Variants in ADGRL3 observed in about 807,000 individuals in gnomAD.
ADGRL3 encodes the protein adhesion G protein-coupled receptor L3.
In ADGRL3, 62 loss-of-function variants were observed where a neutral mutation model predicts 153.5. The observed-to-expected ratio is 0.40, with a 90% CI of 0.33 to 0.50. The LOEUF (loss-of-function observed/expected upper bound fraction) is 0.50, where lower values mean the gene tolerates loss of function less well. Ranked by LOEUF, ADGRL3 falls within the 20% of genes least tolerant of loss-of-function variation. The probability of loss-of-function intolerance (pLI) is 0.47; values close to 1 mark genes in which losing one functional copy is unlikely to be tolerated. For missense variants in ADGRL3, 1,641 were observed against 1,859.4 expected (o/e 0.88, Z 2.16); for synonymous variants, 710 against 672.5 (o/e 1.06, Z -0.86).
chr4:61,364,911 T>A (rs1305355150), intron 1 of ADGRL3, among the ~76,000 whole-genome samples: 1 of 152,196 alleles, frequency 6.6e-6, no homozygotes, highest in Non-Finnish European at 1.5e-5. Context: ...TTTTAATAGA[T>A]ACGATAAATA....
chr4:61,842,679 T>C (rs1215206126), intron 9 of ADGRL3, among the ~76,000 whole-genome samples: 2 of 152,358 alleles, frequency 1.3e-5, no homozygotes, highest in Non-Finnish European at 2.9e-5. Context: ...AATGTATTGA[T>C]TCCAGATGAA....
At chr4:61,612,556 G>A (rs968240672) in intron 5 of ADGRL3, among the ~76,000 whole-genome samples, 2 of 152,126 alleles carry the variant, frequency 1.3e-5, no homozygotes, top group African/African-American at 4.8e-5. Context: ...ACTTCTACAG[G>A]ATAGTTATTA....
At chr4:61,272,667 T>C (rs2093258409) in intron 1 of ADGRL3, among the ~76,000 whole-genome samples, 1 of 152,262 alleles carries the variant, frequency 6.6e-6, no homozygotes, top group Admixed American at 6.6e-5. Flanking sequence ...TCTGCTGTTT[T>C]ATTGACATAC....
intron 21 of ADGRL3, among the ~76,000 whole-genome samples, chr4:62,020,594 T>C (rs2099233431): frequency 6.6e-6 from 1 of 152,162 alleles, no homozygotes; most frequent in Non-Finnish European, 1.5e-5. Context: ...TAAATGTGTA[T>C]ATACAGGCAT....
intron 1 of ADGRL3, among the ~76,000 whole-genome samples, chr4:61,208,575 A>T (rs187411425): frequency 1.2e-4 from 18 of 152,308 alleles, no homozygotes; most frequent in Non-Finnish European, 2.6e-4. Flanking sequence ...AGTAAATTTT[A>T]AAATTTCATA....
chr4:61,570,282 C>T (rs1037541114), intron 4 of ADGRL3, among the ~76,000 whole-genome samples: 10 of 152,092 alleles, frequency 6.6e-5, no homozygotes, highest in Non-Finnish European at 1.2e-4. Context: ...AGCATCCTGT[C>T]CCTTGTGTCC....
chr4:61,871,164 A>G lies in ADGRL3; in HGVS notation c.1481-21492A>G, dbSNP rs563431545. ...GTGGTGGCGAGTGCCTGCAGTCCCAACTACTCAGCAGGCTAAGGCAGGAGA... is the reference window on the plus strand; with the variant it reads ...GTGGTGGCGAGTGCCTGCAGTCCCAGCTACTCAGCAGGCTAAGGCAGGAGA... On this transcript the variant is annotated intron_variant, in intron 9 of 26. Transcript: ENST00000683033. Among the ~76,000 whole-genome samples, 430 of 152,058 alleles carry G rather than the reference A, an allele frequency of 2.8e-3. 2 individuals carry two copies. Among genetic ancestry groups the G allele is most frequent in the South Asian group, 4.2e-3 (20 of 4,816 alleles).
intron 8 of ADGRL3, among the ~76,000 whole-genome samples, chr4:61,764,434 GTGGGCAGGA>G: frequency 7.1e-6 from 1 of 140,504 alleles, no homozygotes. Flanking sequence ...AAGGTGCTCA[GTGGGCAGGA>G]GTGGGGGTCG....
chr4:61,707,416 A>C (rs917673659), intron 6 of ADGRL3, among the ~76,000 whole-genome samples: 5 of 152,202 alleles, frequency 3.3e-5, no homozygotes, highest in African/African-American at 1.2e-4. Context: ...ATGAAGCTCA[A>C]TAAAATGAAA....
intron 8 of ADGRL3, among the ~76,000 whole-genome samples, chr4:61,757,213 T>A (rs1353713377): frequency 5.9e-5 from 9 of 152,142 alleles, no homozygotes; most frequent in Admixed American, 3.9e-4. Flanking sequence ...TCCTCCTTGT[T>A]CCTCTGGTAG....
chr4:61,363,375 G>C (rs2096327755), intron 1 of ADGRL3, among the ~76,000 whole-genome samples: 1 of 151,490 alleles, frequency 6.6e-6, no homozygotes. Context: ...ATTTGGTAGA[G>C]TTTGTTCTTC....
At position 61,419,367 on chromosome 4, in the gene ADGRL3, T is replaced by A. The variant is rs950628777; in HGVS notation, c.-174+36178T>A. The stretch of plus-strand genomic sequence containing the variant: ...GAAAGAATAATGAAAACAAGTGAGA[T>A]AACTATTTATTCACTTATTCCAGTT... On this transcript the variant is annotated intron_variant, in intron 2 of 26. Transcript: ENST00000683033. Among the ~76,000 whole-genome samples the A allele has an allele frequency of 2.0e-5, 3 of 150,768 alleles. 1 individual carries two copies. Among genetic ancestry groups the A allele is most frequent in the East Asian group, 4.2e-4 (2 of 4,780 alleles).
intron 6 of ADGRL3, among the ~76,000 whole-genome samples, chr4:61,699,267 G>A (rs1271204740): frequency 6.6e-6 from 1 of 151,984 alleles, no homozygotes; most frequent in African/African-American, 2.4e-5. Context: ...AAAAACTGAG[G>A]GAAGGGTGAT....
intron 4 of ADGRL3, among the ~76,000 whole-genome samples, chr4:61,541,828 T>C (rs994187928): frequency 4.7e-4 from 56 of 118,960 alleles, no homozygotes; most frequent in African/African-American, 1.7e-3. Context: ...CTTAGATATA[T>C]ATGTGTGTGT....
chr4:61,276,109 G>C (rs986823517), intron 1 of ADGRL3, among the ~76,000 whole-genome samples: 13 of 152,042 alleles, frequency 8.6e-5, no homozygotes, highest in African/African-American at 2.9e-4. Context: ...AGAAGAAGTT[G>C]ATTATCTTAC....
intron 9 of ADGRL3, among the ~76,000 whole-genome samples, chr4:61,887,806 C>G (rs1396462583): frequency 6.6e-6 from 1 of 152,028 alleles, no homozygotes; most frequent in Non-Finnish European, 1.5e-5. Flanking sequence ...GATTGCACCA[C>G]TGCACTCCAG....
intron 4 of ADGRL3, among the ~76,000 whole-genome samples, chr4:61,563,814 C>T (rs1196239094): frequency 6.6e-6 from 1 of 152,030 alleles, no homozygotes; most frequent in Admixed American, 6.6e-5. Context: ...TTGAGACCAC[C>T]CTGGCCAACA....
rs1000403431 is a variant in ADGRL3 at position 61,517,523 on chromosome 4, G to T, written c.259+5G>T. 2 of 704,130 alleles carry T rather than the reference G, an allele frequency of 2.8e-6. No individual in the cohort carries two copies. The highest frequency in any genetic ancestry group is 1.5e-5 in the South Asian group (1 of 67,534). The allele number at this position is 704,130 out of a possible 1,614,324, so 43.6% of individuals were successfully genotyped here. Reference sequence around the variant, plus strand: ...GAGCACAGATTGCAGCGCAAGGTGCGGCCAGCGGTGGGGAGAGAGGGCTGG... The same window carrying T: ...GAGCACAGATTGCAGCGCAAGGTGCTGCCAGCGGTGGGGAGAGAGGGCTGG... On this transcript the variant is annotated splice_donor_5th_base_variant and intron_variant, in intron 4 of 26. Transcript: ENST00000683033.
intron 1 of ADGRL3, among the ~76,000 whole-genome samples, chr4:61,322,871 C>G (rs1049182946): frequency 6.6e-6 from 1 of 152,208 alleles, no homozygotes; most frequent in Non-Finnish European, 1.5e-5. Flanking sequence ...CTTCTCACAG[C>G]TCCACTAGGT....
Sources: gnomAD v4.1 joint callset for allele counts (sites outside exome capture counted in the v4.1 genomes callset) on GRCh38, gnomAD v4.1.1 for gene constraint, MANE v1.5 for transcripts, NCBI Gene and HGNC (gene_info 2026-07-23, HGNC 2026-07-21) for gene names.